Variants in TRAPPC12 observed in about 807,000 individuals in gnomAD.
TRAPPC12 encodes the protein trafficking protein particle complex subunit 12, also known as TPR repeat protein 15.
A neutral mutation model predicts 69.2 loss-of-function variants in TRAPPC12; 61 were observed. The ratio of observed to expected loss-of-function variants is 0.88; its 90% CI spans 0.72 to 1.09. The LOEUF (loss-of-function observed/expected upper bound fraction) is 1.09, where lower values mean the gene tolerates loss of function less well. Ranked by LOEUF, TRAPPC12 falls within the 50% of genes least tolerant of loss-of-function variation. The probability of loss-of-function intolerance (pLI) is 0.00; values close to 1 mark genes in which losing one functional copy is unlikely to be tolerated. For synonymous variants in TRAPPC12, 469 were observed against 438.9 expected, an observed-to-expected ratio of 1.07 and a Z score of -0.86; for missense variants, 1,101 against 1,016.4, an observed-to-expected ratio of 1.08 and a Z score of -1.13.
chr2:3,469,235 C>G (rs954880254), intron 9 of TRAPPC12, among the ~76,000 whole-genome samples: 8 of 152,208 alleles, frequency 5.3e-5, no homozygotes, highest in African/African-American at 1.7e-4. Context: ...TATACGGTCT[C>G]TAAACTGGCT....
intron 5 of TRAPPC12, among the ~76,000 whole-genome samples, chr2:3,440,809 CCT>C (rs1664158747): frequency 6.6e-6 from 1 of 152,074 alleles, no homozygotes; most frequent in Admixed American, 6.6e-5. Context: ...TTGTAGATGT[CCT>C]TTATTAAGTT....
intron 8 of TRAPPC12, among the ~76,000 whole-genome samples, chr2:3,464,124 TCACA>T (rs369252905): frequency 1.6e-3 from 249 of 151,894 alleles, no homozygotes; most frequent in South Asian, 3.1e-3. Context: ...GTGAGGGAGC[TCACA>T]CACACACGTC....
intron 8 of TRAPPC12, among the ~76,000 whole-genome samples, chr2:3,462,397 A>C (rs1203621112): frequency 6.6e-6 from 1 of 152,230 alleles, no homozygotes; most frequent in Non-Finnish European, 1.5e-5. Context: ...GTTGCAATTA[A>C]AGCCAAGCCA....
intron 5 of TRAPPC12, among the ~76,000 whole-genome samples, chr2:3,429,312 C>G (rs553195916): frequency 1.8e-4 from 27 of 152,292 alleles, no homozygotes; most frequent in Admixed American, 1.4e-3. Context: ...TTCAGGAATT[C>G]AGAGGATCGG....
intron 8 of TRAPPC12, among the ~76,000 whole-genome samples, chr2:3,464,151 T>C (rs1366970895): frequency 6.6e-6 from 1 of 151,468 alleles, no homozygotes; most frequent in African/African-American, 2.4e-5. Flanking sequence ...CACACACACA[T>C]GCTCACACAC....
intron 9 of TRAPPC12, among the ~76,000 whole-genome samples, chr2:3,469,776 C>T (rs1665982886): frequency 6.6e-6 from 1 of 152,210 alleles, no homozygotes; most frequent in Non-Finnish European, 1.5e-5. Context: ...CTGGTTCCTC[C>T]TTGAAAGGAC....
chr2:3,381,028 C>G (rs1441693816), intron 1 of TRAPPC12, among the ~76,000 whole-genome samples: 1 of 152,194 alleles, frequency 6.6e-6, no homozygotes, highest in Admixed American at 6.5e-5. Context: ...AGGTGACCAG[C>G]ACAAAGAAAA....
intron 1 of TRAPPC12, among the ~76,000 whole-genome samples, chr2:3,384,724 A>G (rs1014197736): frequency 2.6e-5 from 4 of 152,174 alleles, no homozygotes; most frequent in African/African-American, 9.6e-5. Context: ...CTTCCCTTTT[A>G]GTATGGCCTT....
At chr2:3,461,798 T>A (rs1665519924) in intron 8 of TRAPPC12, among the ~76,000 whole-genome samples, 1 of 120,674 alleles carries the variant, frequency 8.3e-6, no homozygotes, top group African/African-American at 3.2e-5. Flanking sequence ...TGAGTGGGAG[T>A]GAAAAGTAGG....
rs1360336714 is a variant in TRAPPC12, at chr2:3,379,744, G to T, written c.-137G>T. On this transcript the variant is annotated 5_prime_UTR_variant, in exon 1 of 12. Coordinates refer to ENST00000324266, the MANE Select transcript of TRAPPC12 (RefSeq NM_016030.6). ...AGCAGAACTAGGCGCGCCGCGGCCCGGCACGCGCAGGCGTACAGAGCTCCC... is the reference window on the plus strand; with the variant it reads ...AGCAGAACTAGGCGCGCCGCGGCCCTGCACGCGCAGGCGTACAGAGCTCCC... 1.3e-5 allele frequency: 2 copies of T among 151,306 alleles called. No individual in the cohort carries two copies. Among genetic ancestry groups the T allele is most frequent in the Non-Finnish European group, 2.9e-5 (2 of 67,890 alleles). 9.4% of individuals were successfully genotyped at this position (151,306 alleles called of 1,614,324 possible).
intron 6 of TRAPPC12, among the ~76,000 whole-genome samples, chr2:3,447,594 A>G (rs1205899333): frequency 6.6e-6 from 1 of 152,074 alleles, no homozygotes. Context: ...ATCCACCCCC[A>G]GGACACAAAC....
chr2:3,432,621 G>A (rs1003935644), intron 5 of TRAPPC12, among the ~76,000 whole-genome samples: 4 of 152,192 alleles, frequency 2.6e-5, no homozygotes, highest in African/African-American at 7.2e-5. Context: ...CAGAACTCCC[G>A]AGCGTTGATG....
intron 1 of TRAPPC12, among the ~76,000 whole-genome samples, chr2:3,384,406 T>A (rs900720165): frequency 1.3e-5 from 2 of 152,220 alleles, no homozygotes; most frequent in African/African-American, 4.8e-5. Context: ...TTAAAGAGAA[T>A]GCTTTAAACG....
At chr2:3,478,009 A>G (rs752112638) in intron 10 of TRAPPC12, 1 of 424,184 alleles carries the variant, frequency 2.4e-6, no homozygotes, top group Non-Finnish European at 4.3e-6. Context: ...TTAAGGAGCT[A>G]TTCCCCCTTG....
intron 5 of TRAPPC12, among the ~76,000 whole-genome samples, chr2:3,433,132 C>T (rs899448200): frequency 6.6e-6 from 1 of 152,064 alleles, no homozygotes; most frequent in Non-Finnish European, 1.5e-5. Context: ...TGTGCTTGGC[C>T]GGGCACAGAC....
chr2:3,458,257 T>A (rs1214481154), intron 7 of TRAPPC12: 1 of 987,210 alleles, frequency 1.0e-6, no homozygotes, highest in East Asian at 1.1e-4. Context: ...GGGGAGTGCG[T>A]TAGCCAGGAG....
At chr2:3,468,930 G>A (rs1378338240) in intron 9 of TRAPPC12, among the ~76,000 whole-genome samples, 3 of 152,110 alleles carry the variant, frequency 2.0e-5, no homozygotes, top group South Asian at 2.1e-4. Context: ...ACAAGATGGG[G>A]TTGAACGGGG....
intron 6 of TRAPPC12, chr2:3,457,290 G>C (rs555175948): frequency 6.9e-5 from 30 of 434,076 alleles, no homozygotes; most frequent in African/African-American, 5.0e-4. Flanking sequence ...ACTACCAGTG[G>C]GGGGAGGGTG....
At chr2:3,442,317 C>G (rs1397359332) in intron 5 of TRAPPC12, among the ~76,000 whole-genome samples, 1 of 152,144 alleles carries the variant, frequency 6.6e-6, no homozygotes, top group Non-Finnish European at 1.5e-5. Context: ...AAGTGATAAA[C>G]CACACAGGAG....
Sources: allele counts gnomAD v4.1 joint callset (sites outside exome capture counted in the v4.1 genomes callset), GRCh38; gene constraint gnomAD v4.1.1; transcripts MANE v1.5; gene names NCBI Gene and HGNC (gene_info 2026-07-23, HGNC 2026-07-21).